LRRC37A2: variants seen among roughly 807,000 people sequenced by gnomAD.
LRRC37A2 encodes leucine-rich repeat-containing protein 37A2.
LRRC37A2 carries 9 observed loss-of-function variants against 68.8 expected under a neutral mutation model. The ratio of observed to expected loss-of-function variants is 0.13; its 90% CI spans 0.08 to 0.23. The LOEUF (loss-of-function observed/expected upper bound fraction) is 0.23, where lower values mean the gene tolerates loss of function less well. LRRC37A2 is among the 10% of genes least tolerant of loss of function. The pLI is 1.00. For synonymous variants in LRRC37A2, 63 were observed against 367.6 expected (o/e 0.17, Z 9.48); for missense variants, 168 against 950.4 (o/e 0.18, Z 10.82).
chr17:46,496,402 G>T, the LRRC37A2 span, among the ~76,000 whole-genome samples: 1 of 149,136 alleles, frequency 6.7e-6, no homozygotes, highest in Admixed American at 6.6e-5. Flanking sequence ...TCAGGAGTTC[G>T]AGTCCAGACT....
the LRRC37A2 span, among the ~76,000 whole-genome samples, chr17:46,968,283 C>T: frequency 4.7e-4 from 71 of 152,330 alleles, no homozygotes; most frequent in African/African-American, 1.5e-3. Flanking sequence ...CCTCTCCCTC[C>T]GCACTGTGGA....
the LRRC37A2 span, among the ~76,000 whole-genome samples, chr17:46,843,789 T>C: frequency 6.6e-6 from 1 of 152,240 alleles, no homozygotes; most frequent in African/African-American, 2.4e-5. Context: ...TTTACACTTA[T>C]ATAGATATGT....
the LRRC37A2 span, among the ~76,000 whole-genome samples, chr17:46,810,904 C>T: frequency 2.0e-5 from 3 of 152,200 alleles, no homozygotes; most frequent in Non-Finnish European, 4.4e-5. Context: ...GCCCGGAAGC[C>T]GCCCACCTCC....
chr17:46,661,378 T>TTATTATTATTA, the LRRC37A2 span, among the ~76,000 whole-genome samples: 5 of 106,550 alleles, frequency 4.7e-5, no homozygotes, highest in Admixed American at 2.0e-4. Context: ...TACATTTCTT[T>TTATTATTATTA]TTATTATTAT....
the LRRC37A2 span, among the ~76,000 whole-genome samples, chr17:46,775,071 A>G: frequency 6.6e-6 from 1 of 152,204 alleles, no homozygotes; most frequent in Admixed American, 6.5e-5. Flanking sequence ...CCCATGGGGC[A>G]GGGTGAGGTT....
chr17:46,751,397 ACAG>A, the LRRC37A2 span: 1 of 770,324 alleles, frequency 1.3e-6, no homozygotes, highest in Admixed American at 2.3e-5. Flanking sequence ...ATCAACTTGA[ACAG>A]TTAGGTAGTT....
chr17:46,909,231 A>G, the LRRC37A2 span, among the ~76,000 whole-genome samples: 4 of 152,114 alleles, frequency 2.6e-5, no homozygotes, highest in African/African-American at 9.7e-5. Flanking sequence ...AGGTTTCGCT[A>G]TGTTGCCCAG....
the LRRC37A2 span, chr17:46,923,817 T>C: frequency 5.0e-6 from 2 of 400,954 alleles, no homozygotes; most frequent in Admixed American, 4.4e-5. Flanking sequence ...TCCTTGGTAG[T>C]GTCCTTTATT....
chr17:46,736,623 TAAA>T, the LRRC37A2 span, among the ~76,000 whole-genome samples: 1 of 152,152 alleles, frequency 6.6e-6, no homozygotes, highest in African/African-American at 2.4e-5. Flanking sequence ...CAGGAAAAAA[TAAA>T]AAATGTGTAT....
the LRRC37A2 span, among the ~76,000 whole-genome samples, chr17:46,661,387 ATTATTATT>A: frequency 0.14 from 15,976 of 116,434 alleles, 1,972 homozygotes; most frequent in East Asian, 0.6. Context: ...TTTTATTATT[ATTATTATT>A]ATTATTATTA....
At chr17:46,746,810 T>G in the LRRC37A2 span, among the ~76,000 whole-genome samples, 1 of 152,200 alleles carries the variant, frequency 6.6e-6, no homozygotes, top group Non-Finnish European at 1.5e-5. Context: ...ATTCAATAGC[T>G]TCATCAGTAA....
the LRRC37A2 span, chr17:46,935,330 T>C: frequency 6.7e-7 from 1 of 1,494,466 alleles, no homozygotes; most frequent in African/African-American, 1.4e-5. Flanking sequence ...GGAGTTGAGT[T>C]ATTGTGAGCC....
the LRRC37A2 span, chr17:47,019,270 C>T: frequency 1.9e-6 from 3 of 1,587,522 alleles, no homozygotes; most frequent in Non-Finnish European, 2.6e-6. Flanking sequence ...GCTCCTCCTC[C>T]AGGACACCCT....
At chr17:46,858,848 G>A in the LRRC37A2 span, among the ~76,000 whole-genome samples, 1 of 151,844 alleles carries the variant, frequency 6.6e-6, no homozygotes, top group Non-Finnish European at 1.5e-5. Context: ...TTATTTTTTT[G>A]TAGAGATGGG....
At chr17:46,793,272 TAAAAAAAAAAAAA>T in the LRRC37A2 span, among the ~76,000 whole-genome samples, 2 of 41,950 alleles carry the variant, frequency 4.8e-5, no homozygotes, top group Admixed American at 4.2e-4. Context: ...AGACCCTGTC[TAAAAAAAAAAAAA>T]AAAAAAAAAA....
chr17:46,967,726 T>TAGA, the LRRC37A2 span, among the ~76,000 whole-genome samples: 5,525 of 152,056 alleles, frequency 0.036, 186 homozygotes, highest in African/African-American at 0.092. Flanking sequence ...GACAGTTCTG[T>TAGA]AGACAACAGA....
At chr17:46,605,526 A>G in the LRRC37A2 span, among the ~76,000 whole-genome samples, 5 of 140,768 alleles carry the variant, frequency 3.6e-5, no homozygotes, top group East Asian at 8.2e-4. Context: ...TTTCCTGTCT[A>G]TAATAATGAA....
chr17:46,792,069 T>A, the LRRC37A2 span, among the ~76,000 whole-genome samples: 3 of 152,190 alleles, frequency 2.0e-5, no homozygotes, highest in African/African-American at 7.2e-5. Flanking sequence ...CAACTCTCTC[T>A]TACACATACA....
chr17:46,761,403 C>T, the LRRC37A2 span, among the ~76,000 whole-genome samples: 4 of 150,990 alleles, frequency 2.6e-5, 1 homozygote, highest in East Asian at 7.8e-4. Context: ...GCGATCTCAG[C>T]TCATTGCAAC....
Sources: gnomAD v4.1 joint callset for allele counts (sites outside exome capture counted in the v4.1 genomes callset) on GRCh38, gnomAD v4.1.1 for gene constraint, MANE v1.5 for transcripts, NCBI Gene and HGNC (gene_info 2026-07-23, HGNC 2026-07-21) for gene names.